The following FAT1 variants were observed in gnomAD, a reference collection of about 807,000 sequenced individuals.
The protein encoded by FAT1 is FAT atypical cadherin 1, also known as protocadherin Fat 1.
A neutral mutation model predicts 329.8 loss-of-function variants in FAT1; 171 were observed. That is an observed-to-expected ratio of 0.52 (90% confidence interval 0.46 to 0.59). The LOEUF (loss-of-function observed/expected upper bound fraction) is 0.59. FAT1 is among the 20% of genes least tolerant of loss of function. The pLI, the probability that FAT1 is intolerant of heterozygous loss-of-function variation, is 0.00. For missense variants in FAT1, 5,672 were observed against 5,774.4 expected (o/e 0.98, Z 0.57); for synonymous variants, 2,233 against 2,228.6 (o/e 1.00, Z -0.06).
At chr4:186,632,951 G>T (rs995496970) in intron 7 of FAT1, among the ~76,000 whole-genome samples, 5 of 152,142 alleles carry the variant, frequency 3.3e-5, no homozygotes, top group African/African-American at 1.2e-4. Context: ...TGCCTCTTCT[G>T]TTTCCTACTA....
At chr4:186,610,652 TA>T (rs1304134309) in intron 14 of FAT1, among the ~76,000 whole-genome samples, 4 of 90,312 alleles carry the variant, frequency 4.4e-5, no homozygotes, top group Admixed American at 1.4e-4. Flanking sequence ...ATAATTTATA[TA>T]AATATAAATT....
In FAT1 at chr4:186,596,882, G is replaced by A; in HGVS notation, c.12658C>T (p.His4220Tyr). The A allele has an allele frequency of 6.2e-7, 1 of 1,614,010 alleles. No homozygotes were observed. The highest frequency in any genetic ancestry group is 2.2e-5 in the East Asian group (1 of 44,878). The change falls in exon 25 of 27, where the codon CAC (histidine) becomes TAC (tyrosine). Residue 4220 changes from histidine to tyrosine, a missense_variant. Physicochemically the swap from His to Tyr is moderately conservative, Grantham distance 83 (BLOSUM62 2). Transcript: ENST00000441802. The surrounding 1 kb of genome is among the most constrained non-coding windows in gnomAD (Gnocchi z 4.7). ...AAGAAAGCCGTAGCGGGTCCCAGGT[G>A]CTTGTCTTTAGGTTCAGCCTGATGC... ...KKHQAEPKDK[H>Y]LGPATAFLQR...
chr4:186,640,025 T>C lies in FAT1; in HGVS notation c.3581-242A>G, dbSNP rs146657804. 6.3e-3 allele frequency among the ~76,000 whole-genome samples: 964 copies of C among 152,156 alleles called. 12 individuals are homozygous for C. The highest frequency in any genetic ancestry group is 0.022 in the African/African-American group (911 of 41,508). On this transcript the variant is annotated intron_variant, in intron 3 of 26. Coordinates refer to ENST00000441802, the MANE Select transcript of FAT1 (RefSeq NM_005245.4). ...GGCGCGTGACTGTAATCCCAGCTAA[T>C]TGGGAGGCTGAGGCAGGAGAATTGC...
intron 1 of FAT1, among the ~76,000 whole-genome samples, chr4:186,723,383 A>C (rs960463377): frequency 2.6e-5 from 4 of 152,188 alleles, no homozygotes; most frequent in African/African-American, 9.6e-5. Flanking sequence ...CCCGGAGGGA[A>C]GGCGGCGTGT....
At chr4:186,616,268 C>A (rs1739705175) in intron 11 of FAT1, among the ~76,000 whole-genome samples, 1 of 152,164 alleles carries the variant, frequency 6.6e-6, no homozygotes, top group Admixed American at 6.5e-5. Flanking sequence ...GAGTTCAAAT[C>A]CCTTGGAACG....
At chr4:186,601,544 T>C in intron 20 of FAT1, 118 bp from the exon 21 acceptor site, 1 of 736,460 alleles carries the variant, frequency 1.4e-6, no homozygotes, top group Non-Finnish European at 2.1e-6. Flanking sequence ...TGATAACATT[T>C]TACTATCCAA....
At position 186,619,261 on chromosome 4, in the gene FAT1, C is replaced by T. The variant is rs2126503759; in HGVS notation, c.7325G>A (p.Ser2442Asn). Residue 2442 changes from serine to asparagine, a missense_variant, in exon 10 of 27, where the codon AGT becomes AAT. Around this residue, in one of 2 missense-constraint regions of FAT1, gnomAD observed 3,966 missense variants for 3,915.2 expected, o/e 1.01. Coordinates refer to ENST00000441802, the MANE Select transcript of FAT1 (RefSeq NM_005245.4). ...GNDHKHFVID[S>N]ATGIITLSNL... is the part of the protein sequence containing the mutation. ...TGAGAGGGTGATAATCCCTGTTGCA[C>T]TGTCAATGACAAAATGTTTATGATC... The T allele has an allele frequency of 6.2e-6, 10 of 1,614,018 alleles. No homozygotes were observed. Among genetic ancestry groups the T allele is most frequent in the Non-Finnish European group, 8.5e-6 (10 of 1,179,896 alleles).
chr4:186,705,415 G>A (rs1561005423), intron 2 of FAT1, among the ~76,000 whole-genome samples: 2 of 152,216 alleles, frequency 1.3e-5, no homozygotes, highest in Non-Finnish European at 1.5e-5. Context: ...CTTTTAAAAT[G>A]CACAGATTTA....
intron 26 of FAT1, among the ~76,000 whole-genome samples, chr4:186,591,068 A>G (rs1738218758): frequency 6.6e-6 from 1 of 152,202 alleles, no homozygotes; most frequent in African/African-American, 2.4e-5. Flanking sequence ...GTGTAACCAA[A>G]CGCATGTAAA....
chr4:186,601,223 G>A, intron 21 of FAT1, 46 bp downstream of exon 21: 1 of 1,471,156 alleles, frequency 6.8e-7, no homozygotes, highest in Non-Finnish European at 9.2e-7. Flanking sequence ...TGAAATTTAT[G>A]GTTTGAAAGT....
At chr4:186,640,405 G>A (rs1284122735) in intron 3 of FAT1, among the ~76,000 whole-genome samples, 1 of 152,184 alleles carries the variant, frequency 6.6e-6, no homozygotes, top group Non-Finnish European at 1.5e-5. Flanking sequence ...TTAAAAGTGA[G>A]ATGAAGTTAT....
chr4:186,588,387 A>G lies in FAT1; in HGVS notation c.*205T>C, dbSNP rs1417115791. 2 of 578,790 alleles carry G rather than the reference A, an allele frequency of 3.5e-6. No individual in the cohort carries two copies. Among genetic ancestry groups the G allele is most frequent in the Non-Finnish European group, 5.9e-6 (2 of 341,722 alleles). 35.9% of individuals were successfully genotyped at this position (578,790 alleles called of 1,614,324 possible). On this transcript the variant is annotated 3_prime_UTR_variant, in exon 27 of 27. Transcript: ENST00000441802. ...GATGTAAATCCCAAAAGACGTTGGG[A>G]AATGGCACAGCCGATGAAAACCTCA...
chr4:186,609,906 C>G lies in FAT1; in HGVS notation c.9963G>C (p.Val3321=). 1 of 1,612,876 alleles carries G rather than the reference C, an allele frequency of 6.2e-7. No homozygotes were observed. The highest frequency in any genetic ancestry group is 1.1e-5 in the South Asian group (1 of 91,046). The change falls in exon 15 of 27, where the codon GTG becomes GTC. Residue 3321 remains valine (V), a synonymous_variant. Coordinates refer to ENST00000441802, the MANE Select transcript of FAT1 (RefSeq NM_005245.4). The part of the protein sequence containing the change: ...GTPSLSDVAT[V]NVNVTDINDN... ...CGTTGATATCTGTTACATTAACGTT[C>G]ACAGTGGCAACGTCGCTCAGTGAAG...
At position 186,702,018 on chromosome 4, in the gene FAT1, C is replaced by G. The variant is rs115601219; in HGVS notation, c.3265+4545G>C. On this transcript the variant is annotated intron_variant, in intron 2 of 26. Coordinates refer to ENST00000441802, the MANE Select transcript of FAT1 (RefSeq NM_005245.4). Reference sequence around the variant, plus strand: ...CCGACCCCCACACAGGTGACACAGACATGAGGCCAGGAGCCGACCCCCACA... The same window carrying G: ...CCGACCCCCACACAGGTGACACAGAGATGAGGCCAGGAGCCGACCCCCACA... 2.6e-4 allele frequency among the ~76,000 whole-genome samples: 26 copies of G among 100,122 alleles called. 1 individual carries two copies. Among genetic ancestry groups the G allele is most frequent in the African/African-American group, 6.7e-4 (13 of 19,350 alleles). 65.7% of individuals were successfully genotyped at this position (100,122 alleles called of 152,430 possible). A position where few individuals can be genotyped will look rare whatever the true frequency, so the allele number is the denominator to read the frequency against.
rs534562462 is a variant in FAT1, at chr4:186,600,059, T to C, written c.11942A>G (p.Tyr3981Cys). ...NGFRGCMDSI[Y>C]LNGQELPLNS... ...TAAAGGGAGCTCCTGCCCATTCAAA[T>C]AAATGGAGTCCATACAACCCCTGAA... Residue 3981 changes from tyrosine (Y) to cysteine (C), a missense_variant, in exon 22 of 27, where the codon TAT becomes TGT. Transcript: ENST00000441802. The C allele has an allele frequency of 6.2e-7, 1 of 1,613,976 alleles. No homozygotes were observed. Among genetic ancestry groups the C allele is most frequent in the Admixed American group, 1.7e-5 (1 of 60,018 alleles).
chr4:186,695,338 TACTC>T (rs1226805648), intron 2 of FAT1, among the ~76,000 whole-genome samples: 1 of 152,200 alleles, frequency 6.6e-6, no homozygotes, highest in African/African-American at 2.4e-5. Flanking sequence ...AGAATCTAGA[TACTC>T]AATCTCACAA....
intron 3 of FAT1, among the ~76,000 whole-genome samples, chr4:186,648,329 T>A (rs752845855): frequency 2.6e-5 from 4 of 152,206 alleles, no homozygotes; most frequent in Non-Finnish European, 5.9e-5. Flanking sequence ...ATAGACATAT[T>A]TGATGGCTGA....
intron 22 of FAT1, among the ~76,000 whole-genome samples, chr4:186,599,295 T>TC (rs1413769961): frequency 6.6e-6 from 1 of 152,174 alleles, no homozygotes; most frequent in East Asian, 1.9e-4. Flanking sequence ...TTTGCTCTGT[T>TC]CATTATACCA....
chr4:186,722,797 C>G (rs1311006730), intron 1 of FAT1, among the ~76,000 whole-genome samples: 3 of 151,922 alleles, frequency 2.0e-5, no homozygotes, highest in Non-Finnish European at 2.9e-5. Context: ...TTTTCTCATA[C>G]TAATAATCAC....
Sources: allele counts gnomAD v4.1 joint callset (sites outside exome capture counted in the v4.1 genomes callset), GRCh38; gene constraint gnomAD v4.1.1; regional missense constraint gnomAD v4.1.1; non-coding constraint Gnocchi (gnomAD v3.1); transcripts MANE v1.5; gene names NCBI Gene and HGNC (gene_info 2026-07-23, HGNC 2026-07-21).